The following PRSS23 variants were observed in gnomAD, a reference collection of about 807,000 sequenced individuals.
PRSS23 encodes the protein protease, serine 23.
PRSS23 carries 25 observed loss-of-function variants against 34.7 expected under a neutral mutation model. The observed-to-expected ratio is 0.72, with a 90% confidence interval of 0.53 to 1.01. PRSS23 has a LOEUF of 1.01. Among genes scored for constraint, PRSS23 ranks in the 50% least tolerant of loss-of-function variants. The pLI is 0.00. For missense variants in PRSS23, 445 were observed against 475.6 expected (o/e 0.94, Z 0.60); for synonymous variants, 176 against 186.6 (o/e 0.94, Z 0.46).
At chr11:86,839,187 C>T (rs761675489) in intron 2 of PRSS23, among the ~76,000 whole-genome samples, 1 of 151,980 alleles carries the variant, frequency 6.6e-6, no homozygotes, top group Non-Finnish European at 1.5e-5. Context: ...TCAGTAGTAA[C>T]GAACTTCTCT....
At chr11:86,839,473 T>A (rs1265906939) in intron 2 of PRSS23, among the ~76,000 whole-genome samples, 1 of 152,194 alleles carries the variant, frequency 6.6e-6, no homozygotes, top group Non-Finnish European at 1.5e-5. Flanking sequence ...AATCTATGTT[T>A]GATTGATGTA....
chr11:86,841,033 A>T (rs1249678126), intron 2 of PRSS23, among the ~76,000 whole-genome samples: 4 of 152,206 alleles, frequency 2.6e-5, no homozygotes, highest in Non-Finnish European at 5.9e-5. Flanking sequence ...TGACACCCTG[A>T]CATCAAATTA....
At position 86,835,630 on chromosome 11, in the gene PRSS23, A is replaced by G. The variant is rs113759800; in HGVS notation, c.206+12037A>G. On this transcript the variant is annotated intron_variant, in intron 2 of 2. Transcript: ENST00000533902. ...TATTCGGCAGAAACCTGTTATGCCA[A>G]GGAACCCTCTTAGTTGCTTTAGGGT... is the stretch of plus-strand genomic sequence containing the variant. 1.2e-3 allele frequency among the ~76,000 whole-genome samples: 179 copies of G among 152,340 alleles called. 1 individual carries two copies. Among genetic ancestry groups the G allele is most frequent in the African/African-American group, 3.2e-3 (135 of 41,586 alleles).
At chr11:86,839,489 A>C (rs1048065435) in intron 2 of PRSS23, among the ~76,000 whole-genome samples, 9 of 152,212 alleles carry the variant, frequency 5.9e-5, no homozygotes, top group African/African-American at 2.2e-4. Flanking sequence ...ATGTACCTCA[A>C]AGTGATAGGG....
At chr11:86,937,581 G>T (rs1023755345) in intron 2 of PRSS23, 3 of 152,186 alleles carry the variant, frequency 2.0e-5, no homozygotes, top group African/African-American at 7.2e-5. Flanking sequence ...ATGGCCATGA[G>T]AGTGACCTCT....
rs555164536 is a variant in PRSS23 at position 86,805,871 on chromosome 11, C to T, written c.-13-1760C>T. Among the ~76,000 whole-genome samples the T allele has an allele frequency of 3.2e-4, 48 of 152,308 alleles. 2 individuals are homozygous for T. In the South Asian group the frequency reaches 9.5e-3, roughly 30 times the overall value. On this transcript the variant is annotated intron_variant, in intron 1 of 1. Transcript: ENST00000280258. ...TCAAACAGGAAGAGAATGAGAATAACAAAACAGTTTCTTCCTAACTTCTGC... is the reference window on the plus strand; with the variant it reads ...TCAAACAGGAAGAGAATGAGAATAATAAAACAGTTTCTTCCTAACTTCTGC...
At chr11:86,880,378 C>G (rs949559356) in intron 2 of PRSS23, among the ~76,000 whole-genome samples, 3 of 151,710 alleles carry the variant, frequency 2.0e-5, no homozygotes, top group Non-Finnish European at 2.9e-5. Flanking sequence ...GCTGACCCTC[C>G]CTCCACTATT....
chr11:86,833,432 A>T, intron 2 of PRSS23: 2 of 559,536 alleles, frequency 3.6e-6, no homozygotes, highest in Admixed American at 4.3e-5. Context: ...AGGAATTTTG[A>T]AGCATCTGTT....
In PRSS23 at chr11:86,943,818, A is replaced by ATTGCAACCTCTGCCTCCCAGGTTCAAG. The variant is rs1949222282; in HGVS notation, c.207-7397_207-7371dup. ...AAGTGCAATGGCACGATCTCGGCTC[A>ATTGCAACCTCTGCCTCCCAGGTTCAAG]TTGCAACCTCTGCCTCCCAGGTTCA... is the stretch of plus-strand genomic sequence containing the variant. On this transcript the variant is annotated intron_variant, in intron 2 of 2. Coordinates refer to the PRSS23 transcript ENST00000533902. Among the ~76,000 whole-genome samples the ATTGCAACCTCTGCCTCCCAGGTTCAAG allele has an allele frequency of 2.0e-5, 3 of 151,744 alleles. No individual in the cohort carries two copies. The South Asian group carries it at 6.3e-4, about 32-fold the overall frequency.
chr11:86,877,335 A>C (rs1023948806), intron 2 of PRSS23, among the ~76,000 whole-genome samples: 2 of 152,122 alleles, frequency 1.3e-5, no homozygotes, highest in South Asian at 4.1e-4. Flanking sequence ...TTTTGGTCAG[A>C]CCCAATGTGG....
Position 86,800,563 on chromosome 11 carries a change from C to T in PRSS23, c.-102C>T. ...GCTCGCACTCGGCTGTGCGGCGGGG[C>T]AGGCATGGGAGCCGCGCGCTCTCTC... On this transcript the variant is annotated 5_prime_UTR_variant, in exon 1 of 2. Coordinates refer to ENST00000280258, the MANE Select transcript of PRSS23 (RefSeq NM_007173.6). 4.1e-6 allele frequency: 4 copies of T among 984,740 alleles called. No individual in the cohort carries two copies. The highest frequency in any genetic ancestry group is 4.8e-6 in the Non-Finnish European group (4 of 829,718). The allele number at this position is 984,740 out of a possible 1,614,324, so 61.0% of individuals were successfully genotyped here. A position where few individuals can be genotyped will look rare whatever the true frequency, so the allele number is the denominator to read the frequency against.
At chr11:86,798,565 C>T (rs1947997441), upstream of PRSS23, among the ~76,000 whole-genome samples, 1 of 152,168 alleles carries the variant, frequency 6.6e-6, no homozygotes, top group South Asian at 2.1e-4. Flanking sequence ...CAGTACCATG[C>T]AATGCTGATA....
At chr11:86,879,257 C>A (rs11234854) in intron 2 of PRSS23, among the ~76,000 whole-genome samples, 3 of 141,422 alleles carry the variant, frequency 2.1e-5, no homozygotes, top group African/African-American at 8.0e-5. Context: ...ATGTGAGGAG[C>A]GCCTCTACCC....
At chr11:86,800,427 C>A, upstream of PRSS23, 1 of 981,728 alleles carries the variant, frequency 1.0e-6, no homozygotes, top group Non-Finnish European at 1.2e-6. Context: ...GGTTTATGTG[C>A]AGTGGGGCGG....
intron 2 of PRSS23, among the ~76,000 whole-genome samples, chr11:86,855,225 G>A (rs1948560621): frequency 6.6e-6 from 1 of 151,328 alleles, no homozygotes. Flanking sequence ...TCAAAAAGAA[G>A]AGTATAGAAG....
chr11:86,819,402 A>T (rs79644335), intron 1 of PRSS23, among the ~76,000 whole-genome samples: 10 of 152,288 alleles, frequency 6.6e-5, no homozygotes, highest in African/African-American at 2.4e-4. Context: ...TAGAGAGAGA[A>T]CACCTACACT....
intron 2 of PRSS23, among the ~76,000 whole-genome samples, chr11:86,918,822 T>C (rs572692344): frequency 5.9e-5 from 9 of 152,362 alleles, no homozygotes; most frequent in African/African-American, 2.2e-4. Flanking sequence ...TATCTGAATT[T>C]TTGTAATGAG....
chr11:86,915,861 C>A (rs1293666555), intron 2 of PRSS23, among the ~76,000 whole-genome samples: 1 of 151,806 alleles, frequency 6.6e-6, no homozygotes, highest in Non-Finnish European at 1.5e-5. Flanking sequence ...GACCAGCCTG[C>A]CCAACATGGT....
intron 2 of PRSS23, among the ~76,000 whole-genome samples, chr11:86,855,374 A>G (rs921356744): frequency 6.6e-6 from 1 of 152,062 alleles, no homozygotes; most frequent in Non-Finnish European, 1.5e-5. Flanking sequence ...AAACAGTCGA[A>G]CTCATTTATT....
Sources: allele counts gnomAD v4.1 joint callset (sites outside exome capture counted in the v4.1 genomes callset), GRCh38; gene constraint gnomAD v4.1.1; transcripts MANE v1.5; gene names NCBI Gene and HGNC (gene_info 2026-07-23, HGNC 2026-07-21).